Variants in CLSTN2 observed in about 807,000 individuals in gnomAD.
CLSTN2 encodes calsyntenin-2.
A neutral mutation model predicts 101.2 loss-of-function variants in CLSTN2; 48 were observed. That is an observed-to-expected ratio of 0.47 (90% CI 0.38 to 0.60). CLSTN2 has a LOEUF of 0.60. Ranked by LOEUF, CLSTN2 falls within the 20% of genes least tolerant of loss-of-function variation. The pLI is 0.00. For synonymous variants in CLSTN2, 481 were observed against 463.6 expected (o/e 1.04, Z -0.48); for missense variants, 1,160 against 1,238.2 (o/e 0.94, Z 0.95).
intron 2 of CLSTN2, among the ~76,000 whole-genome samples, chr3:140,270,458 C>T (rs543515168): frequency 3.9e-5 from 6 of 152,152 alleles, no homozygotes; most frequent in Admixed American, 2.0e-4. Flanking sequence ...AGGTGTCTGC[C>T]GTCCGGTTGT....
At chr3:140,002,174 A>G (rs1223154465) in intron 1 of CLSTN2, among the ~76,000 whole-genome samples, 1 of 152,204 alleles carries the variant, frequency 6.6e-6, no homozygotes, top group South Asian at 2.1e-4. Flanking sequence ...GTACTCATTT[A>G]CATTCCCACC....
Position 140,574,742 on chromosome 3 carries a change from T to C in CLSTN2, c.*8489T>C, listed in dbSNP as rs1985677826. 1.3e-5 allele frequency: 2 copies of C among 152,324 alleles called. No homozygotes were observed. Among genetic ancestry groups the C allele is most frequent in the African/African-American group, 4.8e-5 (2 of 41,570 alleles). 9.4% of individuals were successfully genotyped at this position (152,324 alleles called of 1,614,324 possible). ...CAGAAATGGGACACCCACACACGTA[T>C]TGAGGGTCCTTTTCCCCGGCAGGAG... On this transcript the variant is annotated 3_prime_UTR_variant, in exon 17 of 17. Coordinates refer to ENST00000458420, the MANE Select transcript of CLSTN2 (RefSeq NM_022131.3).
At chr3:140,345,690 G>T (rs2087540192) in intron 2 of CLSTN2, among the ~76,000 whole-genome samples, 6 of 148,912 alleles carry the variant, frequency 4.0e-5, no homozygotes, top group Non-Finnish European at 8.9e-5. Flanking sequence ...AGTAGCATGT[G>T]TGTGGCTGCC....
chr3:140,196,069 A>G (rs1193797493), intron 2 of CLSTN2, among the ~76,000 whole-genome samples: 1 of 152,214 alleles, frequency 6.6e-6, no homozygotes, highest in Non-Finnish European at 1.5e-5. Flanking sequence ...CCTGATGGTT[A>G]GTCCTAGGCG....
chr3:139,987,784 C>A (rs550548296), intron 1 of CLSTN2, among the ~76,000 whole-genome samples: 25 of 152,154 alleles, frequency 1.6e-4, no homozygotes, highest in African/African-American at 5.8e-4. Context: ...AATTGTACAC[C>A]CAGAGGGTGA....
At chr3:140,015,163 C>T (rs1387115071) in intron 1 of CLSTN2, among the ~76,000 whole-genome samples, 1 of 152,184 alleles carries the variant, frequency 6.6e-6, no homozygotes, top group Non-Finnish European at 1.5e-5. Context: ...AACCCCTACT[C>T]TTACAAGGGA....
At chr3:140,485,969 C>T (rs964829097) in intron 8 of CLSTN2, among the ~76,000 whole-genome samples, 2 of 151,876 alleles carry the variant, frequency 1.3e-5, no homozygotes, top group African/African-American at 4.8e-5. Context: ...CACTGTCCGA[C>T]AACCCCCCAG....
At chr3:140,204,215 A>G (rs2010752975) in intron 2 of CLSTN2, among the ~76,000 whole-genome samples, 1 of 152,222 alleles carries the variant, frequency 6.6e-6, no homozygotes, top group Non-Finnish European at 1.5e-5. Context: ...GAAGGTGTTC[A>G]TAAGTGGTAG....
chr3:140,121,575 G>A (rs1405004926), intron 1 of CLSTN2, among the ~76,000 whole-genome samples: 3 of 152,212 alleles, frequency 2.0e-5, no homozygotes, highest in Non-Finnish European at 2.9e-5. Flanking sequence ...AAGAACAGGA[G>A]TTTAAGAATA....
chr3:140,307,674 G>A (rs1331331812), intron 2 of CLSTN2, among the ~76,000 whole-genome samples: 3 of 152,084 alleles, frequency 2.0e-5, no homozygotes, highest in African/African-American at 4.8e-5. Flanking sequence ...CAGTTGGTTC[G>A]TTGTTTCTTC....
chr3:140,471,917 C>G (rs183229764), intron 8 of CLSTN2, among the ~76,000 whole-genome samples: 1 of 152,312 alleles, frequency 6.6e-6, no homozygotes, highest in East Asian at 1.9e-4. Flanking sequence ...TGCAGTCCAC[C>G]TTTACTCTCT....
intron 5 of CLSTN2, among the ~76,000 whole-genome samples, chr3:140,444,233 C>A (rs927614851): frequency 2.0e-5 from 3 of 152,088 alleles, no homozygotes. Flanking sequence ...AGTTCGAGAC[C>A]AGCCTGGCCA....
At chr3:140,205,348 C>T (rs2010767121) in intron 2 of CLSTN2, among the ~76,000 whole-genome samples, 1 of 152,192 alleles carries the variant, frequency 6.6e-6, no homozygotes, top group Non-Finnish European at 1.5e-5. Context: ...GGTGTGATAT[C>T]TGCCTATAGG....
chr3:140,142,166 C>T (rs182951935), intron 1 of CLSTN2, among the ~76,000 whole-genome samples: 72 of 152,216 alleles, frequency 4.7e-4, no homozygotes, highest in African/African-American at 1.6e-3. Context: ...TAAACTTTGG[C>T]GTTCAGATGT....
intron 2 of CLSTN2, among the ~76,000 whole-genome samples, chr3:140,392,888 C>T (rs758512357): frequency 2.6e-5 from 4 of 151,496 alleles, no homozygotes; most frequent in Admixed American, 6.6e-5. Context: ...AGTCCATGGT[C>T]GAGGGGCCAC....
chr3:140,127,885 C>T (rs1214858018), intron 1 of CLSTN2, among the ~76,000 whole-genome samples: 1 of 152,114 alleles, frequency 6.6e-6, no homozygotes, highest in African/African-American at 2.4e-5. Flanking sequence ...TCTTGTGTTT[C>T]ATACCAAACC....
chr3:140,408,875 C>T (rs1033905886), intron 4 of CLSTN2, among the ~76,000 whole-genome samples: 3 of 152,232 alleles, frequency 2.0e-5, no homozygotes, highest in African/African-American at 7.2e-5. Flanking sequence ...CCAGGTCTAA[C>T]AGTTGAAAAT....
chr3:140,088,793 C>A (rs2008721027), intron 1 of CLSTN2, among the ~76,000 whole-genome samples: 1 of 152,210 alleles, frequency 6.6e-6, no homozygotes, highest in Admixed American at 6.5e-5. Flanking sequence ...GCCTTCACAG[C>A]TTGCAGTGGA....
intron 1 of CLSTN2, among the ~76,000 whole-genome samples, chr3:139,974,598 A>G (rs1834498): frequency 0.88 from 134,665 of 152,260 alleles, 60,467 homozygotes; most frequent in East Asian, 1. Context: ...GTTTTACAGC[A>G]TATGTTGCAC....
Sources: allele counts gnomAD v4.1 joint callset (sites outside exome capture counted in the v4.1 genomes callset), GRCh38; gene constraint gnomAD v4.1.1; transcripts MANE v1.5; gene names NCBI Gene and HGNC (gene_info 2026-07-23, HGNC 2026-07-21).